Variants in SHANK2 observed in about 807,000 individuals in gnomAD.
The protein encoded by SHANK2 is SH3 and multiple ankyrin repeat domains 2.
In SHANK2, 43 loss-of-function variants were observed where a neutral mutation model predicts 133.7. The ratio of observed to expected loss-of-function variants is 0.32; its 90% confidence interval spans 0.25 to 0.41. The LOEUF is 0.41. Ranked by LOEUF, SHANK2 falls within the 10% of genes least tolerant of loss-of-function variation. The pLI is 1.00. For missense variants in SHANK2, 1,994 were observed against 2,235.8 expected (o/e 0.89, Z 2.18); for synonymous variants, 1,017 against 952.8 (o/e 1.07, Z -1.24).
chr11:70,560,876 C>T (rs1554980717), intron 17 of SHANK2, among the ~76,000 whole-genome samples: 2 of 152,156 alleles, frequency 1.3e-5, no homozygotes, highest in South Asian at 4.1e-4. Context: ...ATTCGCCTGC[C>T]TCGGCCTCCC....
rs781986559 is a variant in SHANK2, at chr11:70,500,328, G to A, written c.2308+242C>T. Among the ~76,000 whole-genome samples the A allele has an allele frequency of 3.9e-5, 6 of 152,214 alleles. No individual in the cohort carries two copies. The highest frequency in any genetic ancestry group is 7.4e-5 in the Non-Finnish European group (5 of 68,022). ...GTCCGGCCAGCTTCACGGTCATGAC[G>A]ATGTGAACACAGGTCAGGGAAGAAA... On this transcript the variant is annotated intron_variant, in intron 21 of 25. Coordinates refer to ENST00000601538, the MANE Select transcript of SHANK2 (RefSeq NM_012309.5). The surrounding 1 kb of genome is among the most constrained non-coding windows in gnomAD (Gnocchi z 4.5).
In SHANK2 at chr11:70,485,958, G is replaced by T. The variant is rs782738284; in HGVS notation, c.4335C>A (p.Thr1445=). Residue 1445 remains threonine (T), a synonymous_variant, in exon 25 of 26, where the codon ACC becomes ACA. Transcript: ENST00000601538. This position sits in a 1 kb window ranked among gnomAD's most constrained non-coding sequence, Gnocchi z 5.8. ...TGGAGTTCAACGAAGGGGACTGAGG[G>T]GTGTCGCTTTTCTTCTGCTTCACTA... ...SDLVKQKKSD[T]PQSPSLNSSQ... The T allele has an allele frequency of 6.2e-7, 1 of 1,614,014 alleles. No individual in the cohort carries two copies. The highest frequency in any genetic ancestry group is 8.5e-7 in the Non-Finnish European group (1 of 1,180,030).
At chr11:71,218,141 T>G (rs1555120340) in intron 2 of SHANK2, among the ~76,000 whole-genome samples, 1 of 152,124 alleles carries the variant, frequency 6.6e-6, no homozygotes, top group African/African-American at 2.4e-5. Flanking sequence ...ATTACAGGCA[T>G]GAGCCACCAT....
At chr11:70,870,438 T>C (rs782173021) in intron 11 of SHANK2, among the ~76,000 whole-genome samples, 11 of 152,064 alleles carry the variant, frequency 7.2e-5, no homozygotes, top group Non-Finnish European at 1.5e-4. Context: ...GGGCCATAAC[T>C]GAGATGGGGT....
At chr11:71,103,874 C>T (rs1225169061) in intron 6 of SHANK2, among the ~76,000 whole-genome samples, 1 of 133,050 alleles carries the variant, frequency 7.5e-6, no homozygotes, top group East Asian at 2.6e-4. Context: ...CCCTCTCCCC[C>T]CCTCTTTCTC....
At chr11:70,846,494 GA>G (rs1442912033) in intron 11 of SHANK2, among the ~76,000 whole-genome samples, 1 of 152,016 alleles carries the variant, frequency 6.6e-6, no homozygotes, top group Non-Finnish European at 1.5e-5. Context: ...GGCCTCAAGC[GA>G]TCCTCCCACC....
At chr11:71,081,367 T>A (rs2136003898) in intron 8 of SHANK2, among the ~76,000 whole-genome samples, 1 of 152,320 alleles carries the variant, frequency 6.6e-6, no homozygotes, top group Non-Finnish European at 1.5e-5. Context: ...CAGCCTGAAA[T>A]GATCACAGAC....
chr11:70,592,395 C>T (rs1353282658), intron 17 of SHANK2, among the ~76,000 whole-genome samples: 1 of 152,306 alleles, frequency 6.6e-6, no homozygotes, highest in South Asian at 2.1e-4. Context: ...TCTGCTGACT[C>T]GGGTGGAGCT....
At chr11:70,497,954 T>C (rs931300234) in intron 21 of SHANK2, among the ~76,000 whole-genome samples, 1 of 152,208 alleles carries the variant, frequency 6.6e-6, no homozygotes, top group Non-Finnish European at 1.5e-5. Context: ...GCCAGCCCCA[T>C]TGAGGGGCAG....
At chr11:70,690,937 T>A (rs782507453) in intron 15 of SHANK2, among the ~76,000 whole-genome samples, 1 of 152,132 alleles carries the variant, frequency 6.6e-6, no homozygotes, top group Non-Finnish European at 1.5e-5. Context: ...GTTGGGAAGA[T>A]ACCCACCAGA....
At chr11:71,215,299 GC>G (rs1223559457) in intron 2 of SHANK2, among the ~76,000 whole-genome samples, 2 of 152,212 alleles carry the variant, frequency 1.3e-5, no homozygotes, top group Non-Finnish European at 2.9e-5. Context: ...TGGTCCCCCT[GC>G]CCCCTGCGTC....
intron 17 of SHANK2, chr11:70,646,406 C>G (rs1347167035): frequency 2.6e-5 from 4 of 152,320 alleles, no homozygotes; most frequent in African/African-American, 9.6e-5. Flanking sequence ...CACAGCTCAC[C>G]TCTCCCAATA....
At chr11:71,083,566 C>T (rs2136011658) in intron 8 of SHANK2, among the ~76,000 whole-genome samples, 1 of 152,182 alleles carries the variant, frequency 6.6e-6, no homozygotes, top group African/African-American at 2.4e-5. Flanking sequence ...AGAATATGGC[C>T]AACAGACAGC....
At chr11:70,633,477 G>A (rs2061028597) in intron 17 of SHANK2, 1 of 152,128 alleles carries the variant, frequency 6.6e-6, no homozygotes, top group Non-Finnish European at 1.5e-5. Flanking sequence ...CCTATAGAGA[G>A]ACTTGACAAT....
rs1322143159 is a variant in SHANK2 at position 71,166,473 on chromosome 11, CT to C, written c.-12-19136del. Reference sequence around the variant, plus strand: ...TTGGTTTACCTTCCAATCCACACGTCTTTTTTTTCTTTTCTTTTTTTTTTGA... The same window carrying C: ...TTGGTTTACCTTCCAATCCACACGTCTTTTTTTCTTTTCTTTTTTTTTTGA... On this transcript the variant is annotated intron_variant, in intron 2 of 25. Coordinates refer to ENST00000601538, the MANE Select transcript of SHANK2 (RefSeq NM_012309.5). Among the ~76,000 whole-genome samples the C allele has an allele frequency of 4.6e-5, 6 of 131,430 alleles. 1 individual carries two copies. The South Asian group carries it at 1.6e-3, about 35-fold the overall frequency. The allele number at this position is 131,430 out of a possible 152,430, so 86.2% of individuals were successfully genotyped here.
intron 17 of SHANK2, among the ~76,000 whole-genome samples, chr11:70,561,507 G>A (rs1448686875): frequency 6.6e-6 from 1 of 151,732 alleles, no homozygotes; most frequent in African/African-American, 2.4e-5. Context: ...ATTGCTGTGA[G>A]CTTAATCACT....
At chr11:70,951,954 G>A (rs1950851506) in intron 10 of SHANK2, among the ~76,000 whole-genome samples, 1 of 152,220 alleles carries the variant, frequency 6.6e-6, no homozygotes, top group South Asian at 2.1e-4. Flanking sequence ...CCCCAATCCA[G>A]CATGAGGTCG....
At chr11:71,252,671 G>A (rs1397202790), upstream of SHANK2, 3 of 151,282 alleles carry the variant, frequency 2.0e-5, no homozygotes, top group African/African-American at 4.8e-5. This position sits in a 1 kb window ranked among gnomAD's most constrained non-coding sequence, Gnocchi z 6.3. Context: ...CAGGACCCGC[G>A]GGCGACCCGA....
intron 17 of SHANK2, among the ~76,000 whole-genome samples, chr11:70,519,552 C>A (rs1565092452): frequency 1.3e-5 from 2 of 151,974 alleles, no homozygotes; most frequent in Non-Finnish European, 2.9e-5. Flanking sequence ...GAGGCTGAGG[C>A]AGGAGAATCG....
Sources: allele counts gnomAD v4.1 joint callset (sites outside exome capture counted in the v4.1 genomes callset), GRCh38; gene constraint gnomAD v4.1.1; non-coding constraint Gnocchi (gnomAD v3.1); transcripts MANE v1.5; gene names NCBI Gene and HGNC (gene_info 2026-07-23, HGNC 2026-07-21).